Variants in NDST1 observed in about 807,000 individuals in gnomAD.
The protein encoded by NDST1 is N-deacetylase and N-sulfotransferase 1.
In NDST1, 35 loss-of-function variants were observed where a neutral mutation model predicts 92.8. The observed-to-expected ratio is 0.38, with a 90% confidence interval of 0.29 to 0.50. The LOEUF is 0.50. Among genes scored for constraint, NDST1 ranks in the 20% least tolerant of loss-of-function variants. NDST1 has a pLI of 0.94. For synonymous variants in NDST1, 493 were observed against 500.3 expected, an observed-to-expected ratio of 0.99 and a Z score of 0.19; for missense variants, 822 against 1,182.7, an observed-to-expected ratio of 0.69 and a Z score of 4.47.
intron 11 of NDST1, among the ~76,000 whole-genome samples, chr5:150,545,991 C>CT (rs34937690): frequency 0.22 from 18,174 of 83,680 alleles, 2,577 homozygotes; most frequent in East Asian, 0.37. Context: ...CCAGAGCTGT[C>CT]TTTTTTTTTT....
chr5:150,554,290 T>C lies in NDST1; in HGVS notation c.*958T>C, dbSNP rs936167163. The C allele has an allele frequency of 6.0e-6, 2 of 333,314 alleles. No homozygotes were observed. The highest frequency in any genetic ancestry group is 1.6e-4 in the South Asian group (1 of 6,434). The allele number at this position is 333,314 out of a possible 1,614,324, so 20.6% of individuals were successfully genotyped here. On this transcript the variant is annotated 3_prime_UTR_variant, in exon 15 of 15. Transcript: ENST00000261797. ...TATTTTAATATTTTGTTTTTTTTTT[T>C]CTTGGTGCCAGAGTTTATACCCTGG...
At chr5:150,532,502 C>A (rs13170191) in intron 3 of NDST1, among the ~76,000 whole-genome samples, 46,459 of 151,658 alleles carry the variant, frequency 0.31, 8,643 homozygotes, top group Non-Finnish European at 0.4. Context: ...TGGTTTAATG[C>A]CTGCTGTTGC....
In NDST1 at chr5:150,528,058, C is replaced by A; in HGVS notation, c.768C>A (p.Ala256=). The A allele has an allele frequency of 6.2e-7, 1 of 1,613,598 alleles. No individual in the cohort carries two copies. The highest frequency in any genetic ancestry group is 8.5e-7 in the Non-Finnish European group (1 of 1,179,754). Residue 256 remains alanine, a synonymous_variant, in exon 3 of 15, where the codon GCC becomes GCA. Transcript: ENST00000261797. ...CCATCCCACACCTGGGCGCAGACGCCGGCCTGCATGCTGCACTGCACGCCA... is the reference window on the plus strand; with the variant it reads ...CCATCCCACACCTGGGCGCAGACGCAGGCCTGCATGCTGCACTGCACGCCA... ...SESIPHLGAD[A]GLHAALHATV...
chr5:150,501,699 T>G (rs1753239026), intron 1 of NDST1, among the ~76,000 whole-genome samples: 1 of 152,172 alleles, frequency 6.6e-6, no homozygotes, highest in South Asian at 2.1e-4. Flanking sequence ...GATGCAGCAG[T>G]GAACAAAACA....
chr5:150,520,172 G>A (rs1291014436), intron 1 of NDST1, among the ~76,000 whole-genome samples: 2 of 152,134 alleles, frequency 1.3e-5, no homozygotes, highest in Non-Finnish European at 2.9e-5. Context: ...TTTACTTAAC[G>A]CTCAGCTACA....
At chr5:150,545,566 ATAT>A (rs1206092841) in intron 11 of NDST1, 80 bp downstream of exon 11, 2 of 1,547,588 alleles carry the variant, frequency 1.3e-6, no homozygotes, top group African/African-American at 1.4e-5. Context: ...CACTCAACAG[ATAT>A]TATTAGTAAG....
In NDST1 at chr5:150,534,985, G is replaced by A; in HGVS notation, c.1215G>A (p.Leu405=). The change falls in exon 5 of 15, where the codon TTG becomes TTA. Residue 405 remains leucine, a synonymous_variant. Coordinates refer to ENST00000261797, the MANE Select transcript of NDST1 (RefSeq NM_001543.5). The part of the protein sequence containing the change: ...QPHLFHNQSV[L]AEQMALNKKF... ...ACCTTTTCCACAACCAGTCCGTGTT[G>A]GCCGAGCAGATGGCCTTGAACAAGA... 6.2e-7 allele frequency: 1 copy of A among 1,614,266 alleles called. No individual in the cohort carries two copies. Among genetic ancestry groups the A allele is most frequent in the East Asian group, 2.2e-5 (1 of 44,890 alleles).
chr5:150,539,625 CAT>C (rs751574222), intron 7 of NDST1: 93 of 985,314 alleles, frequency 9.4e-5, no homozygotes, highest in Non-Finnish European at 1.1e-4. Flanking sequence ...AGTCTTTGCT[CAT>C]GTGTGTATAC....
At chr5:150,513,291 G>C (rs1402304895) in intron 1 of NDST1, among the ~76,000 whole-genome samples, 1 of 151,526 alleles carries the variant, frequency 6.6e-6, no homozygotes, top group Non-Finnish European at 1.5e-5. Context: ...AGGAGTTCGA[G>C]ACCAGCCTGG....
chr5:150,541,771 C>A, intron 9 of NDST1, 105 bp downstream of exon 9: 2 of 1,042,396 alleles, frequency 1.9e-6, no homozygotes, highest in Non-Finnish European at 2.9e-6. Context: ...TAATTTGCTC[C>A]CTCTTTCCCA....
Position 150,553,245 on chromosome 5 carries a change from C to T in NDST1, c.2562C>T (p.Asp854=). 1 of 1,613,778 alleles carries T rather than the reference C, an allele frequency of 6.2e-7. No homozygotes were observed. Among genetic ancestry groups the T allele is most frequent in the African/African-American group, 1.3e-5 (1 of 75,018 alleles). ...CCTTCCTGAAGGACTATTACCGGGA[C>T]CACAACATCGAGCTCTCCAAGCTGC... ...SRAFLKDYYR[D]HNIELSKLLY... The change falls in exon 15 of 15, where the codon GAC becomes GAT. Residue 854 remains aspartate, a synonymous_variant. Coordinates refer to ENST00000261797, the MANE Select transcript of NDST1 (RefSeq NM_001543.5). The surrounding 1 kb of genome is among the most constrained non-coding windows in gnomAD (Gnocchi z 4.2).
intron 14 of NDST1, 51 bp downstream of exon 14, chr5:150,551,906 C>T (rs1468345670): frequency 6.2e-7 from 1 of 1,603,876 alleles, no homozygotes; most frequent in Non-Finnish European, 8.5e-7. Flanking sequence ...TAAGGGGTCC[C>T]TGTATGGAGT....
At chr5:150,524,067 T>A (rs1754361123) in intron 2 of NDST1, among the ~76,000 whole-genome samples, 2 of 152,368 alleles carry the variant, frequency 1.3e-5, no homozygotes, top group South Asian at 4.1e-4. Flanking sequence ...CAGTTCCCAC[T>A]GATGCTGGAT....
intron 9 of NDST1, 147 bp from the exon 10 acceptor site, chr5:150,542,701 T>G (rs957192823): frequency 9.9e-7 from 1 of 1,005,780 alleles, no homozygotes; most frequent in African/African-American, 1.6e-5. Flanking sequence ...ATTCCTTCAT[T>G]GCACAGATGA....
rs1754544153 is a variant in NDST1 at position 150,527,888 on chromosome 5, A to G, written c.598A>G (p.Ile200Val). 1.2e-6 allele frequency: 2 copies of G among 1,614,038 alleles called. No homozygotes were observed. Among genetic ancestry groups the G allele is most frequent in the Admixed American group, 1.7e-5 (1 of 60,002 alleles). The stretch of plus-strand genomic sequence containing the variant: ...AAACCTGGGCCTGAAGGACTGCAGC[A>G]TCAACCCCAAGTCCCCGCTGCTCTA... ...HSNLGLKDCS[I>V]NPKSPLLYVT... Residue 200 changes from isoleucine to valine, a missense_variant, in exon 3 of 15, where the codon ATC (isoleucine) becomes GTC (valine). Ile to Val is a conservative substitution (Grantham distance 29). Coordinates refer to ENST00000261797, the MANE Select transcript of NDST1 (RefSeq NM_001543.5).
intron 8 of NDST1, 132 bp from the exon 9 acceptor site, chr5:150,541,438 G>A: frequency 1.3e-6 from 1 of 789,132 alleles, no homozygotes; most frequent in Non-Finnish European, 2.2e-6. Context: ...TGGGGGTGGG[G>A]ATGTGACAAG....
In NDST1 at chr5:150,533,051, G is replaced by T; in HGVS notation, c.1096+19G>T. ...CACACAGGTAAGTGGGCCTGCCCCT[G>T]CCCTCACTAGCAACTTCCAGGACTC... is the stretch of plus-strand genomic sequence containing the variant. On this transcript the variant is annotated intron_variant, in intron 4 of 14. Transcript: ENST00000261797. 1 of 1,607,318 alleles carries T rather than the reference G, an allele frequency of 6.2e-7. No homozygotes were observed. Among genetic ancestry groups the T allele is most frequent in the Non-Finnish European group, 8.5e-7 (1 of 1,173,882 alleles).
chr5:150,501,160 A>G (rs1281700005), intron 1 of NDST1, among the ~76,000 whole-genome samples: 1 of 152,160 alleles, frequency 6.6e-6, no homozygotes, highest in African/African-American at 2.4e-5. Flanking sequence ...TCCGCCTGAC[A>G]CTGGGCTTCG....
chr5:150,524,970 T>C (rs928441160), intron 2 of NDST1, among the ~76,000 whole-genome samples: 2 of 152,192 alleles, frequency 1.3e-5, no homozygotes, highest in Admixed American at 6.5e-5. Flanking sequence ...CAGGAGCAAA[T>C]GTGCTGACAG....
Sources: gnomAD v4.1 joint callset for allele counts (sites outside exome capture counted in the v4.1 genomes callset) on GRCh38, gnomAD v4.1.1 for gene constraint, Gnocchi (gnomAD v3.1) non-coding constraint, MANE v1.5 for transcripts, NCBI Gene and HGNC (gene_info 2026-07-23, HGNC 2026-07-21) for gene names.